MCTP2: variants seen among roughly 807,000 people sequenced by gnomAD.
MCTP2 encodes multiple C2 and transmembrane domain containing 2, also known as multiple C2 and transmembrane domain-containing protein 2.
In MCTP2, 132 loss-of-function variants were observed where a neutral mutation model predicts 111.6. That is an observed-to-expected ratio of 1.18 (90% CI 1.03 to 1.37). The LOEUF is 1.37. Among genes scored for constraint, MCTP2 ranks in the 40% most tolerant of loss-of-function variants. The pLI is 0.00. For synonymous variants in MCTP2, 395 were observed against 387.7 expected, an observed-to-expected ratio of 1.02 and a Z score of -0.22; for missense variants, 1,183 against 1,067.9, an observed-to-expected ratio of 1.11 and a Z score of -1.50.
rs750117574 is a variant in MCTP2, at chr15:94,358,579, A to G, written c.1268A>G (p.Lys423Arg). ...ATTTTGGACATTGAAGTGTGGGGAAAGGACAACAAAAAGCATGAGGAACGT... is the reference window on the plus strand; with the variant it reads ...ATTTTGGACATTGAAGTGTGGGGAAGGGACAACAAAAAGCATGAGGAACGT... ...MGILDIEVWG[K>R]DNKKHEERLG... Residue 423 changes from lysine to arginine, a missense_variant, in exon 10 of 23, where the codon AAG (lysine) becomes AGG (arginine). Lys to Arg is a conservative substitution (Grantham distance 26, BLOSUM62 2). Coordinates refer to ENST00000357742, the MANE Select transcript of MCTP2 (RefSeq NM_001385001.1). 1.4e-5 allele frequency: 23 copies of G among 1,613,720 alleles called. No homozygotes were observed. Among genetic ancestry groups the G allele is most frequent in the Non-Finnish European group, 1.8e-5 (21 of 1,179,800 alleles).
chr15:94,340,004 C>A (rs2077549973), intron 5 of MCTP2, among the ~76,000 whole-genome samples, 195 bp from the exon 6 acceptor site: 1 of 152,124 alleles, frequency 6.6e-6, no homozygotes, highest in Admixed American at 6.5e-5. Flanking sequence ...TCATAGTAGG[C>A]AAAATGGGCA....
chr15:94,234,262 G>C (rs760650445), intron 1 of MCTP2, among the ~76,000 whole-genome samples: 1 of 152,216 alleles, frequency 6.6e-6, no homozygotes, highest in African/African-American at 2.4e-5. Flanking sequence ...ACAATTTGGA[G>C]ACTCTCTTTA....
intron 21 of MCTP2, 142 bp from the exon 22 acceptor site, chr15:94,476,554 A>G: frequency 1.8e-6 from 1 of 542,208 alleles, no homozygotes; most frequent in Non-Finnish European, 3.2e-6. Context: ...CTCTCCCCCG[A>G]GTCAGGCGAG....
At chr15:94,386,802 A>C (rs960729868) in intron 14 of MCTP2, among the ~76,000 whole-genome samples, 2 of 150,972 alleles carry the variant, frequency 1.3e-5, no homozygotes, top group African/African-American at 4.8e-5. Flanking sequence ...AACATGACTT[A>C]AAAACAAAAC....
At chr15:94,439,409 G>T (rs1364729714) in intron 17 of MCTP2, among the ~76,000 whole-genome samples, 1 of 151,776 alleles carries the variant, frequency 6.6e-6, no homozygotes, top group Non-Finnish European at 1.5e-5. Flanking sequence ...TGAAACGAAA[G>T]TGAGACTCAA....
Position 94,293,894 on chromosome 15 carries a change from C to T in MCTP2, c.-65-4307C>T, listed in dbSNP as rs979448042. Among the ~76,000 whole-genome samples, 8 of 152,128 alleles carry T rather than the reference C, an allele frequency of 5.3e-5. No individual in the cohort carries two copies. The South Asian group carries it at 6.2e-4, about 12-fold the overall frequency. On this transcript the variant is annotated intron_variant, in intron 1 of 22. Transcript: ENST00000357742. Reference sequence around the variant, plus strand: ...TCCCAGAGAAATGAGAACATATATTCGTACACAAAAAACCTGTACACAAAT... The same window carrying T: ...TCCCAGAGAAATGAGAACATATATTTGTACACAAAAAACCTGTACACAAAT...
chr15:94,364,934 T>C (rs2079111372), intron 10 of MCTP2, among the ~76,000 whole-genome samples: 1 of 152,180 alleles, frequency 6.6e-6, no homozygotes. Flanking sequence ...TTTTTCTGTC[T>C]CCCGTCTTTC....
At chr15:94,447,437 C>G (rs894576251) in intron 19 of MCTP2, among the ~76,000 whole-genome samples, 1 of 152,126 alleles carries the variant, frequency 6.6e-6, no homozygotes, top group Non-Finnish European at 1.5e-5. Flanking sequence ...CTCTGTTGCC[C>G]GGGCAGGAGT....
chr15:94,430,674 GGAGGTGGAGGTTGCAGT>G (rs1262974738), intron 17 of MCTP2, among the ~76,000 whole-genome samples: 1 of 152,036 alleles, frequency 6.6e-6, no homozygotes, highest in African/African-American at 2.4e-5. Flanking sequence ...CTGGAACCTG[GGAGGTGGAGGTTGCAGT>G]GAGTGAGCTG....
At chr15:94,320,182 G>A (rs999864701) in intron 4 of MCTP2, among the ~76,000 whole-genome samples, 16 of 138,726 alleles carry the variant, frequency 1.2e-4, no homozygotes, top group East Asian at 8.5e-4. Context: ...TCGCTCTGTC[G>A]CCCAGGCTGG....
rs1035100724 is a variant in MCTP2, at chr15:94,244,224, ATATATT to A, written c.-66+12566_-66+12571del. On this transcript the variant is annotated intron_variant, in intron 1 of 22. Transcript: ENST00000357742. Reference sequence around the variant, plus strand: ...CACGTGTATACACATACATATGTGTATATATTTATATACACGTGTATACACATATGT... The same window carrying A: ...CACGTGTATACACATACATATGTGTATATATACACGTGTATACACATATGT... Among the ~76,000 whole-genome samples the A allele has an allele frequency of 7.1e-4, 96 of 134,992 alleles. 2 individuals are homozygous for A. The highest frequency in any genetic ancestry group is 1.3e-3 in the Non-Finnish European group (78 of 60,506). The allele number at this position is 134,992 out of a possible 152,430, so 88.6% of individuals were successfully genotyped here.
At chr15:94,377,663 T>C (rs952001113) in intron 12 of MCTP2, among the ~76,000 whole-genome samples, 1 of 152,152 alleles carries the variant, frequency 6.6e-6, no homozygotes, top group East Asian at 1.9e-4. Context: ...CCTGGTGATA[T>C]GGTAGAAAGG....
At chr15:94,238,939 T>C (rs2070744168) in intron 1 of MCTP2, among the ~76,000 whole-genome samples, 1 of 150,922 alleles carries the variant, frequency 6.6e-6, no homozygotes, top group South Asian at 2.1e-4. Context: ...GCATTAAACC[T>C]ATCTGTGTGA....
intron 17 of MCTP2, among the ~76,000 whole-genome samples, chr15:94,431,218 A>G (rs188369387): frequency 1.8e-4 from 28 of 152,352 alleles, no homozygotes; most frequent in African/African-American, 6.7e-4. Context: ...TTTAGTTTGA[A>G]TGGCCCAGGG....
chr15:94,435,490 C>T (rs1003162735), intron 17 of MCTP2, among the ~76,000 whole-genome samples: 10 of 151,560 alleles, frequency 6.6e-5, no homozygotes, highest in Non-Finnish European at 1.0e-4. Flanking sequence ...AAAATGATTT[C>T]GATATTTTAA....
intron 1 of MCTP2, among the ~76,000 whole-genome samples, chr15:94,246,666 C>G (rs1472481787): frequency 6.6e-6 from 1 of 152,156 alleles, no homozygotes; most frequent in East Asian, 1.9e-4. Context: ...AGCCTTTGTT[C>G]TAGCCGAGGC....
intron 17 of MCTP2, among the ~76,000 whole-genome samples, chr15:94,439,385 A>G (rs1486181628): frequency 1.3e-5 from 2 of 151,850 alleles, no homozygotes; most frequent in East Asian, 3.9e-4. Context: ...CGTCTTCTAG[A>G]CTACCGGTGA....
Position 94,424,186 on chromosome 15 carries a change from T to C in MCTP2, c.2086-15990T>C, listed in dbSNP as rs77052833. Among the ~76,000 whole-genome samples, 414 of 152,372 alleles carry C rather than the reference T, an allele frequency of 2.7e-3. 1 individual carries two copies. Among genetic ancestry groups the C allele is most frequent in the African/African-American group, 9.4e-3 (389 of 41,596 alleles). On this transcript the variant is annotated intron_variant, in intron 17 of 22. Coordinates refer to ENST00000357742, the MANE Select transcript of MCTP2 (RefSeq NM_001385001.1). ...TGCATTTATTTACTTAGTATCGTTT[T>C]TGATATTCATCTATGTAGTTCATTT...
chr15:94,290,341 T>C (rs2074976435), intron 1 of MCTP2, among the ~76,000 whole-genome samples: 1 of 152,190 alleles, frequency 6.6e-6, no homozygotes, highest in East Asian at 1.9e-4. Context: ...AGTGGTAAAA[T>C]ATTAATTCTA....
Sources: gnomAD v4.1 joint callset for allele counts (sites outside exome capture counted in the v4.1 genomes callset) on GRCh38, gnomAD v4.1.1 for gene constraint, MANE v1.5 for transcripts, NCBI Gene and HGNC (gene_info 2026-07-23, HGNC 2026-07-21) for gene names.